The following MGAT4C variants were observed in gnomAD, a reference collection of about 807,000 sequenced individuals.
MGAT4C encodes the protein alpha-1,3-mannosyl-glycoprotein 4-beta-N-acetylglucosaminyltransferase C.
A neutral mutation model predicts 40.1 loss-of-function variants in MGAT4C; 19 were observed. That is an observed-to-expected ratio of 0.47 (90% CI 0.33 to 0.70). The LOEUF (loss-of-function observed/expected upper bound fraction) is 0.70, where lower values mean the gene tolerates loss of function less well. MGAT4C is among the 30% of genes least tolerant of loss of function. MGAT4C has a pLI of 0.02. For synonymous variants in MGAT4C, 181 were observed against 187.1 expected, an observed-to-expected ratio of 0.97 and a Z score of 0.27; for missense variants, 491 against 563.2, an observed-to-expected ratio of 0.87 and a Z score of 1.30.
chr12:86,503,761 C>CATAT (rs1186043294), intron 2 of MGAT4C, among the ~76,000 whole-genome samples: 1 of 51,172 alleles, frequency 2.0e-5, no homozygotes, highest in African/African-American at 8.7e-5. Flanking sequence ...GAGTTCTGCT[C>CATAT]ATATATATAT....
At chr12:86,784,183 A>G (rs907080658) in intron 1 of MGAT4C, among the ~76,000 whole-genome samples, 4 of 152,112 alleles carry the variant, frequency 2.6e-5, no homozygotes, top group African/African-American at 7.2e-5. Context: ...AGGAAGGGGA[A>G]TTTGTTGCAA....
intron 1 of MGAT4C, among the ~76,000 whole-genome samples, chr12:86,768,324 C>G (rs1039029237): frequency 1.3e-5 from 2 of 152,022 alleles, no homozygotes; most frequent in African/African-American, 4.8e-5. Flanking sequence ...TGTGAAGGAC[C>G]TCTTCAAGGA....
chr12:86,495,295 A>T (rs1267204195), intron 2 of MGAT4C: 2 of 152,140 alleles, frequency 1.3e-5, no homozygotes, highest in African/African-American at 4.8e-5. Context: ...TATTCGAGGA[A>T]AAGGAGGAAA....
chr12:86,285,911 G>A lies in MGAT4C; in HGVS notation c.-57+48154C>T, dbSNP rs546427346. On this transcript the variant is annotated intron_variant, in intron 4 of 7. Coordinates refer to the MGAT4C transcript ENST00000548651. The stretch of plus-strand genomic sequence containing the variant: ...ACATAAAAATGCTTACAAAACATGA[G>A]AAACAGAACTCCACATTTATAAAAT... 3.3e-5 allele frequency among the ~76,000 whole-genome samples: 5 copies of A among 151,932 alleles called. No homozygotes were observed. In the South Asian group the frequency reaches 1.0e-3, roughly 31 times the overall value.
intron 1 of MGAT4C, among the ~76,000 whole-genome samples, chr12:86,737,014 T>TAA (rs11341650): frequency 1.2e-4 from 16 of 129,770 alleles, no homozygotes; most frequent in South Asian, 4.8e-4. Flanking sequence ...TGCAATTCTA[T>TAA]AAAAAAAAAA....
chr12:86,070,797 T>C (rs1488208377), intron 1 of MGAT4C, among the ~76,000 whole-genome samples: 1 of 152,084 alleles, frequency 6.6e-6, no homozygotes, highest in Non-Finnish European at 1.5e-5. Flanking sequence ...AATTCTAATT[T>C]TGTAGTTGAG....
chr12:86,591,201 T>C (rs904809009), intron 2 of MGAT4C, among the ~76,000 whole-genome samples: 2 of 152,036 alleles, frequency 1.3e-5, no homozygotes, highest in Non-Finnish European at 2.9e-5. Flanking sequence ...AATAACAAAG[T>C]AGTTAGCAAA....
intron 2 of MGAT4C, among the ~76,000 whole-genome samples, chr12:86,020,278 A>G (rs1308010878): frequency 2.0e-5 from 3 of 152,146 alleles, no homozygotes; most frequent in East Asian, 1.9e-4. Context: ...CCAGTTTTCA[A>G]AGAGAATGCT....
chr12:86,824,876 A>G (rs1261093680), intron 1 of MGAT4C, among the ~76,000 whole-genome samples: 3 of 151,336 alleles, frequency 2.0e-5, no homozygotes, highest in African/African-American at 7.3e-5. Flanking sequence ...ATGGAAAAAT[A>G]CCTTCAAAGT....
intron 3 of MGAT4C, among the ~76,000 whole-genome samples, chr12:86,349,381 C>T (rs1417457207): frequency 6.6e-6 from 1 of 152,088 alleles, no homozygotes; most frequent in East Asian, 1.9e-4. Flanking sequence ...ATTTCCACTG[C>T]TAGTAAACGT....
At chr12:86,121,902 T>C (rs1165196938) in intron 1 of MGAT4C, among the ~76,000 whole-genome samples, 4 of 152,212 alleles carry the variant, frequency 2.6e-5, no homozygotes, top group Non-Finnish European at 1.5e-5. Flanking sequence ...CCAAGGGTTA[T>C]ACAAATGATT....
At chr12:86,819,287 G>T (rs931083850) in intron 1 of MGAT4C, among the ~76,000 whole-genome samples, 1 of 150,766 alleles carries the variant, frequency 6.6e-6, no homozygotes, top group Non-Finnish European at 1.5e-5. Context: ...CTAGTAAGTG[G>T]TTCATATATG....
At chr12:86,804,454 AAAGAAG>A in intron 1 of MGAT4C, among the ~76,000 whole-genome samples, 1 of 132,824 alleles carries the variant, frequency 7.5e-6, no homozygotes, top group South Asian at 2.3e-4. Context: ...ATAAAGAAAG[AAAGAAG>A]AAAAAAATAT....
At chr12:86,546,821 C>T (rs966409976) in intron 2 of MGAT4C, among the ~76,000 whole-genome samples, 2 of 151,994 alleles carry the variant, frequency 1.3e-5, no homozygotes, top group East Asian at 3.8e-4. Flanking sequence ...ACTGAGAAGG[C>T]ATCCCCCAAA....
chr12:86,701,664 C>T (rs1211066147), intron 2 of MGAT4C, among the ~76,000 whole-genome samples: 2 of 152,090 alleles, frequency 1.3e-5, no homozygotes, highest in African/African-American at 4.8e-5. Context: ...TCACATTTCT[C>T]ACTTTAAGTC....
chr12:86,421,543 A>C (rs1173197014), intron 3 of MGAT4C, among the ~76,000 whole-genome samples: 2 of 152,144 alleles, frequency 1.3e-5, no homozygotes, highest in South Asian at 2.1e-4. Flanking sequence ...AGGCCGAGGC[A>C]GGGGGATCAA....
At chr12:86,621,074 A>G (rs1353596174) in intron 2 of MGAT4C, among the ~76,000 whole-genome samples, 1 of 152,120 alleles carries the variant, frequency 6.6e-6, no homozygotes, top group African/African-American at 2.4e-5. Context: ...TAACAAAACT[A>G]CACTATACCC....
chr12:86,204,282 G>T (rs1950172026), intron 1 of MGAT4C, among the ~76,000 whole-genome samples: 1 of 151,938 alleles, frequency 6.6e-6, no homozygotes, highest in African/African-American at 2.4e-5. Flanking sequence ...ACAACAAAAG[G>T]TTATAGTATG....
chr12:86,454,188 A>T (rs560407663), intron 2 of MGAT4C, among the ~76,000 whole-genome samples: 31 of 152,146 alleles, frequency 2.0e-4, no homozygotes, highest in Non-Finnish European at 4.6e-4. Flanking sequence ...TTTAGGAGAA[A>T]ATCAGACAAT....
Sources: gnomAD v4.1 joint callset for allele counts (sites outside exome capture counted in the v4.1 genomes callset) on GRCh38, gnomAD v4.1.1 for gene constraint, MANE v1.5 for transcripts, NCBI Gene and HGNC (gene_info 2026-07-23, HGNC 2026-07-21) for gene names.